NBEA: variants seen among roughly 807,000 people sequenced by gnomAD.
NBEA encodes the protein neurobeachin, also known as lysosomal-trafficking regulator 2.
Under a neutral mutation model 343.4 loss-of-function variants are expected in NBEA, and 44 were observed. That is an observed-to-expected ratio of 0.13 (90% CI 0.10 to 0.16). The LOEUF (loss-of-function observed/expected upper bound fraction) is 0.16. NBEA is among the 10% of genes least tolerant of loss of function. The pLI is 1.00. For synonymous variants in NBEA, 1,175 were observed against 1,238.7 expected, an observed-to-expected ratio of 0.95 and a Z score of 1.08; for missense variants, 2,555 against 3,631.3, an observed-to-expected ratio of 0.70 and a Z score of 7.62.
chr13:35,226,348 G>A (rs2074650539), intron 33 of NBEA, among the ~76,000 whole-genome samples: 1 of 152,084 alleles, frequency 6.6e-6, no homozygotes, highest in Non-Finnish European at 1.5e-5. Flanking sequence ...ATTCAGCTGT[G>A]AGCCATCACC....
rs76068126 is a variant in NBEA, at chr13:35,007,724, T to A, written c.295-33209T>A. Reference sequence around the variant, plus strand: ...CCCAGGCTGGTCTGGAACTGCTGAGTTCAAGCAATTTGCCCGCATTGGCCT... The same window carrying A: ...CCCAGGCTGGTCTGGAACTGCTGAGATCAAGCAATTTGCCCGCATTGGCCT... On this transcript the variant is annotated intron_variant, in intron 1 of 58. Transcript: ENST00000379939. 4.8e-3 allele frequency among the ~76,000 whole-genome samples: 738 copies of A among 152,168 alleles called. 7 individuals carry two copies. The highest frequency in any genetic ancestry group is 0.017 in the African/African-American group (700 of 41,508).
At chr13:34,994,637 T>C (rs1297191110) in intron 1 of NBEA, among the ~76,000 whole-genome samples, 1 of 152,376 alleles carries the variant, frequency 6.6e-6, no homozygotes, top group Non-Finnish European at 1.5e-5. Flanking sequence ...CTACCTTTAC[T>C]GTTGTGTATG....
At chr13:35,241,496 A>T (rs1324983047) in intron 34 of NBEA, among the ~76,000 whole-genome samples, 2 of 151,918 alleles carry the variant, frequency 1.3e-5, no homozygotes, top group East Asian at 3.9e-4. Context: ...CTGTAATACC[A>T]AAGGTATTAT....
chr13:35,162,500 AC>A (rs920633251), intron 23 of NBEA, among the ~76,000 whole-genome samples: 16 of 152,150 alleles, frequency 1.1e-4, no homozygotes, highest in African/African-American at 3.4e-4. Flanking sequence ...TTCATAAGAA[AC>A]CTGCCCAAAT....
At chr13:35,530,745 A>C (rs1341920666) in intron 41 of NBEA, among the ~76,000 whole-genome samples, 3 of 149,550 alleles carry the variant, frequency 2.0e-5, no homozygotes, top group Non-Finnish European at 4.5e-5. Context: ...GGTGATCTGC[A>C]CAATGGAGGA....
intron 38 of NBEA, among the ~76,000 whole-genome samples, chr13:35,430,640 T>C (rs1289938717): frequency 1.3e-5 from 2 of 152,176 alleles, no homozygotes; most frequent in African/African-American, 4.8e-5. Context: ...CAGCTGCCCT[T>C]ACAGAAGAAT....
At chr13:34,995,326 A>C (rs545406309) in intron 1 of NBEA, among the ~76,000 whole-genome samples, 39 of 151,778 alleles carry the variant, frequency 2.6e-4, no homozygotes, top group Non-Finnish European at 4.7e-4. Context: ...GCATGGTGGC[A>C]TGCACCTGTA....
chr13:35,486,482 C>G (rs1484435026), intron 41 of NBEA, among the ~76,000 whole-genome samples: 45 of 152,006 alleles, frequency 3.0e-4, no homozygotes, highest in Admixed American at 2.8e-3. Flanking sequence ...GAACAGGGAC[C>G]AATATTTAAT....
intron 1 of NBEA, among the ~76,000 whole-genome samples, chr13:34,975,485 A>G (rs1473973924): frequency 2.6e-5 from 4 of 152,198 alleles, no homozygotes; most frequent in African/African-American, 9.7e-5. Context: ...AGAATCTAGA[A>G]GATAACATTG....
At chr13:35,234,997 A>G (rs2075155366) in intron 34 of NBEA, among the ~76,000 whole-genome samples, 1 of 152,214 alleles carries the variant, frequency 6.6e-6, no homozygotes, top group African/African-American at 2.4e-5. Flanking sequence ...ATGAGAATGA[A>G]TAATTTCCGA....
At chr13:35,203,002 T>G (rs1198908844) in intron 31 of NBEA, among the ~76,000 whole-genome samples, 1 of 152,158 alleles carries the variant, frequency 6.6e-6, no homozygotes, top group Admixed American at 6.5e-5. Flanking sequence ...CTCACCAGGT[T>G]TTACTTTGCT....
At chr13:34,976,202 A>G (rs553063932) in intron 1 of NBEA, among the ~76,000 whole-genome samples, 1 of 152,348 alleles carries the variant, frequency 6.6e-6, no homozygotes, top group East Asian at 1.9e-4. Flanking sequence ...GAGTGGATGA[A>G]AAAAATGTGG....
chr13:35,138,526 C>G (rs1226364571), intron 17 of NBEA, among the ~76,000 whole-genome samples: 4 of 148,992 alleles, frequency 2.7e-5, no homozygotes, highest in Non-Finnish European at 4.4e-5. Context: ...ATGATGCAAT[C>G]TCCACCCACT....
intron 2 of NBEA, among the ~76,000 whole-genome samples, chr13:35,044,734 A>G (rs973155574): frequency 2.0e-5 from 3 of 151,740 alleles, no homozygotes; most frequent in Non-Finnish European, 4.4e-5. Context: ...TGTAATTCAA[A>G]TAAATTCTTT....
chr13:34,960,721 G>T (rs1026159050), intron 1 of NBEA, among the ~76,000 whole-genome samples: 1 of 151,976 alleles, frequency 6.6e-6, no homozygotes, highest in African/African-American at 2.4e-5. Context: ...AGGAACAATG[G>T]GCCATACCAT....
intron 36 of NBEA, among the ~76,000 whole-genome samples, chr13:35,327,033 A>T (rs1407454483): frequency 1.3e-5 from 2 of 152,108 alleles, no homozygotes; most frequent in Non-Finnish European, 2.9e-5. Flanking sequence ...AAAAATGTTC[A>T]ACATCACTAA....
Position 35,127,866 on chromosome 13 carries a change from A to C in NBEA, c.2336+4292A>C, listed in dbSNP as rs1240565363. Among the ~76,000 whole-genome samples the C allele has an allele frequency of 2.0e-5, 3 of 152,262 alleles. No individual in the cohort carries two copies. In the East Asian group the frequency reaches 5.8e-4, roughly 29 times the overall value. ...AAATCCGTAAAGATCAGTAAGCATA[A>C]CATAAAATATGAAATATCTAAGACC... On this transcript the variant is annotated intron_variant, in intron 17 of 58. Transcript: ENST00000379939.
intron 24 of NBEA, among the ~76,000 whole-genome samples, chr13:35,168,160 A>G (rs932274616): frequency 6.6e-6 from 1 of 151,706 alleles, no homozygotes; most frequent in Non-Finnish European, 1.5e-5. Context: ...ATCATACTTT[A>G]CTATTCTCAG....
chr13:35,616,993 T>G (rs995872498), intron 48 of NBEA, among the ~76,000 whole-genome samples: 1 of 152,236 alleles, frequency 6.6e-6, no homozygotes, highest in East Asian at 1.9e-4. Context: ...AGGATTCATA[T>G]GTAATTCAGT....
Sources: gnomAD v4.1 joint callset for allele counts (sites outside exome capture counted in the v4.1 genomes callset) on GRCh38, gnomAD v4.1.1 for gene constraint, MANE v1.5 for transcripts, NCBI Gene and HGNC (gene_info 2026-07-23, HGNC 2026-07-21) for gene names.